The following NDUFB7 variants were observed in gnomAD, a reference collection of about 807,000 sequenced individuals.
The protein encoded by NDUFB7 is NADH:ubiquinone oxidoreductase subunit B7.
NDUFB7 carries 18 observed loss-of-function variants against 14.7 expected under a neutral mutation model. That is an observed-to-expected ratio of 1.22 (90% CI 0.85 to 1.81). The LOEUF is 1.81. Among genes scored for constraint, NDUFB7 ranks in the 40% most tolerant of loss-of-function variants. NDUFB7 has a pLI of 0.00. For synonymous variants in NDUFB7, 86 were observed against 76.1 expected (o/e 1.13, Z -0.68); for missense variants, 219 against 195.0 (o/e 1.12, Z -0.73).
At chr19:14,570,663 C>A (rs2074119651) in intron 1 of NDUFB7, among the ~76,000 whole-genome samples, 1 of 152,196 alleles carries the variant, frequency 6.6e-6, no homozygotes, top group African/African-American at 2.4e-5. Context: ...TTTCCAGCCA[C>A]TGCCTCTTGG....
Position 14,566,942 on chromosome 19 carries a change from A to T in NDUFB7, c.113-9T>A. 1 of 1,574,218 alleles carries T rather than the reference A, an allele frequency of 6.4e-7. No homozygotes were observed. The highest frequency in any genetic ancestry group is 8.6e-7 in the Non-Finnish European group (1 of 1,164,622). ...CTGTGTGGCCACCATCTCTGCAGGG[A>T]GTGGGCGGGGCTCAACCAGGCTGGA... is the stretch of plus-strand genomic sequence containing the variant. On this transcript the variant is annotated splice_polypyrimidine_tract_variant and intron_variant, in intron 1 of 2. Coordinates refer to ENST00000215565, the MANE Select transcript of NDUFB7 (RefSeq NM_004146.6).
intron 1 of NDUFB7, among the ~76,000 whole-genome samples, chr19:14,571,624 C>G (rs1424586821): frequency 6.6e-6 from 1 of 151,822 alleles, no homozygotes; most frequent in African/African-American, 2.4e-5. Context: ...AGACTCGACC[C>G]AGCTCTGCGC....
Position 14,571,946 on chromosome 19 carries a change from G to A in NDUFB7, c.55C>T (p.Pro19Ser), listed in dbSNP as rs373549498. 4.3e-6 allele frequency: 7 copies of A among 1,611,820 alleles called. No homozygotes were observed. Among genetic ancestry groups the A allele is most frequent in the East Asian group, 2.2e-5 (1 of 44,848 alleles). Residue 19 changes from proline to serine, a missense_variant, in exon 1 of 3, where the codon CCC (proline) becomes TCC (serine). Pro to Ser is a moderately conservative substitution (Grantham distance 74). Coordinates refer to ENST00000215565, the MANE Select transcript of NDUFB7 (RefSeq NM_004146.6). ...YLGDASVEPD[P>S]LQMPTFPPDY... ...GGCGGGAAGGTTGGCATCTGCAGGG[G>A]GTCGGGCTCCACCGAGGCATCGCCC... is the stretch of plus-strand genomic sequence containing the variant.
rs2074103467 is a variant in NDUFB7, at chr19:14,567,988, C to T, written c.113-1055G>A. Reference sequence around the variant, plus strand: ...TTCCTGTGGCTCCTCCCACATCCCTCCTCCCCAGGTTTCCTCCCATCTCTA... The same window carrying T: ...TTCCTGTGGCTCCTCCCACATCCCTTCTCCCCAGGTTTCCTCCCATCTCTA... On this transcript the variant is annotated intron_variant, in intron 1 of 2. Coordinates refer to ENST00000215565, the MANE Select transcript of NDUFB7 (RefSeq NM_004146.6). This position sits in a 1 kb window ranked among gnomAD's most constrained non-coding sequence, Gnocchi z 5.1. Among the ~76,000 whole-genome samples the T allele has an allele frequency of 2.6e-5, 4 of 152,236 alleles. No individual in the cohort carries two copies. The South Asian group carries it at 8.3e-4, about 31-fold the overall frequency.
At position 14,566,198 on chromosome 19, in the gene NDUFB7, T is replaced by A; in HGVS notation, c.349A>T (p.Lys117Ter). 6.2e-7 allele frequency: 1 copy of A among 1,613,748 alleles called. No homozygotes were observed. Among genetic ancestry groups the A allele is most frequent in the East Asian group, 2.2e-5 (1 of 44,828 alleles). Residue 117 changes from lysine (K) to a stop codon, truncating the protein, a stop_gained, in exon 3 of 3, where the codon AAG becomes TAG. Transcript: ENST00000215565. LOFTEE classifies it high-confidence loss of function. ...CCTTTGGCCAACTCTGCCGCCTTCT[T>A]CTCCCGCCGCTTCTTCCGCTGGAGC... ...RLLQRKKRREKKAAELAKGQG... is the reference protein window; with the variant it reads ...RLLQRKKRRE
At position 14,571,873 on chromosome 19, in the gene NDUFB7, G is replaced by T; in HGVS notation, c.112+16C>A. ...CGCCCCACGCCCTCTGGCTGCGCCT[G>T]CGCACTGGGCCTCACCGCGCTCCTT... On this transcript the variant is annotated intron_variant, in intron 1 of 2. Coordinates refer to ENST00000215565, the MANE Select transcript of NDUFB7 (RefSeq NM_004146.6). The T allele has an allele frequency of 1.9e-6, 3 of 1,599,010 alleles. No individual in the cohort carries two copies. Among genetic ancestry groups the T allele is most frequent in the Non-Finnish European group, 2.6e-6 (3 of 1,174,004 alleles).
intron 2 of NDUFB7, 69 bp downstream of exon 2, chr19:14,566,696 G>A: frequency 2.1e-6 from 3 of 1,413,612 alleles, no homozygotes; most frequent in Non-Finnish European, 2.8e-6. Flanking sequence ...GGTGGGCCAG[G>A]GGTGTGGAAG....
In NDUFB7 at chr19:14,571,911, G is replaced by A. The variant is rs774389788; in HGVS notation, c.90C>T (p.Gly30=). The change falls in exon 1 of 3, where the codon GGC becomes GGT. Residue 30 remains glycine, a synonymous_variant. Transcript: ENST00000215565. The stretch of plus-strand genomic sequence containing the variant: ...CACCGCGCTCCTTGCGTTCGGGGAA[G>A]CCGTAGTCTGGCGGGAAGGTTGGCA... ...LQMPTFPPDY[G]FPERKEREMV... 1.7e-5 allele frequency: 27 copies of A among 1,611,502 alleles called. No individual in the cohort carries two copies. The highest frequency in any genetic ancestry group is 1.8e-4 in the Middle Eastern group (1 of 5,600).
chr19:14,567,863 T>C lies in NDUFB7; in HGVS notation c.113-930A>G, dbSNP rs1229522593. Among the ~76,000 whole-genome samples the C allele has an allele frequency of 6.6e-6, 1 of 152,062 alleles. No homozygotes were observed. The highest frequency in any genetic ancestry group is 1.5e-5 in the Non-Finnish European group (1 of 68,006). Reference sequence around the variant, plus strand: ...GCCCAGGTCCTCCTCTCCTGCCCCTTGTCCCATTCCCTGGCTTCTGCCCTA... The same window carrying C: ...GCCCAGGTCCTCCTCTCCTGCCCCTCGTCCCATTCCCTGGCTTCTGCCCTA... On this transcript the variant is annotated intron_variant, in intron 1 of 2. Coordinates refer to ENST00000215565, the MANE Select transcript of NDUFB7 (RefSeq NM_004146.6). This position sits in a 1 kb window ranked among gnomAD's most constrained non-coding sequence, Gnocchi z 5.1.
In NDUFB7 at chr19:14,571,942, A is replaced by AG; in HGVS notation, c.58dup (p.Leu20ProfsTer53). The AG allele has an allele frequency of 6.2e-7, 1 of 1,612,128 alleles. No individual in the cohort carries two copies. Among genetic ancestry groups the AG allele is most frequent in the Non-Finnish European group, 8.5e-7 (1 of 1,179,452 alleles). ...GTCTGGCGGGAAGGTTGGCATCTGC[A>AG]GGGGGTCGGGCTCCACCGAGGCATC... is the stretch of plus-strand genomic sequence containing the variant. On this transcript the variant is annotated frameshift_variant, in exon 1 of 3. Transcript: ENST00000215565. LOFTEE classifies it high-confidence loss of function.
rs1438987193 is a variant in NDUFB7 at position 14,567,700 on chromosome 19, TCCA to T, written c.113-770_113-768del. 1.3e-5 allele frequency among the ~76,000 whole-genome samples: 2 copies of T among 151,984 alleles called. No homozygotes were observed. Among genetic ancestry groups the T allele is most frequent in the South Asian group, 2.1e-4 (1 of 4,814 alleles). On this transcript the variant is annotated intron_variant, in intron 1 of 2. Transcript: ENST00000215565. The surrounding 1 kb of genome is among the most constrained non-coding windows in gnomAD (Gnocchi z 5.1). The stretch of plus-strand genomic sequence containing the variant: ...CCCAGCCTCCCTAGCCCTCCTGACG[TCCA>T]CCACATCTTTCTCGGTCCCAGCTCC...
chr19:14,566,376 A>G (rs2074085252), intron 2 of NDUFB7, 111 bp from the exon 3 acceptor site: 6 of 1,532,246 alleles, frequency 3.9e-6, no homozygotes, highest in Middle Eastern at 1.8e-4. Flanking sequence ...GCCTCTGAAG[A>G]AGACATGTCC....
intron 1 of NDUFB7, 26 bp downstream of exon 1, chr19:14,571,863 G>C (rs1020712532): frequency 1.3e-6 from 2 of 1,590,998 alleles, no homozygotes; most frequent in Admixed American, 3.6e-5. Context: ...CACGCCCTCT[G>C]GCTGCGCCTG....
At position 14,566,664 on chromosome 19, in the gene NDUFB7, G is replaced by A. The variant is rs554392084; in HGVS notation, c.281+101C>T. On this transcript the variant is annotated intron_variant, in intron 2 of 2. Transcript: ENST00000215565. Reference sequence around the variant, plus strand: ...CGGGGGTGGGAGGGGGGCTTGGGCGGGCTGGGCATGTGGGGGGCTTGGGTG... The same window carrying A: ...CGGGGGTGGGAGGGGGGCTTGGGCGAGCTGGGCATGTGGGGGGCTTGGGTG... 1.9e-4 allele frequency: 209 copies of A among 1,091,476 alleles called. 2 individuals are homozygous for A. Among genetic ancestry groups the A allele is most frequent in the Non-Finnish European group, 1.9e-4 (148 of 780,786 alleles). 67.6% of individuals were successfully genotyped at this position (1,091,476 alleles called of 1,614,324 possible).
At position 14,568,294 on chromosome 19, in the gene NDUFB7, C is replaced by G. The variant is rs181373630; in HGVS notation, c.113-1361G>C. Among the ~76,000 whole-genome samples, 462 of 152,308 alleles carry G rather than the reference C, an allele frequency of 3.0e-3. 1 individual carries two copies. Among genetic ancestry groups the G allele is most frequent in the Middle Eastern group, 6.8e-3 (2 of 294 alleles). On this transcript the variant is annotated intron_variant, in intron 1 of 2. Transcript: ENST00000215565. ...TCCTGACCTCAGGTGATCCACCCAC[C>G]TTGGCCTCCCAAAGTGCTGGGATTA... is the stretch of plus-strand genomic sequence containing the variant.
chr19:14,569,236 TAA>T (rs1301458357), intron 1 of NDUFB7, among the ~76,000 whole-genome samples: 1 of 151,728 alleles, frequency 6.6e-6, no homozygotes, highest in East Asian at 1.9e-4. Flanking sequence ...CCAGGCACCA[TAA>T]AGAGTCCACT....
chr19:14,566,983 T>A, intron 1 of NDUFB7, 50 bp from the exon 2 acceptor site: 1 of 1,515,876 alleles, frequency 6.6e-7, no homozygotes, highest in South Asian at 1.2e-5. Flanking sequence ...CCCACCCCAA[T>A]TCCGGGGATC....
At position 14,567,400 on chromosome 19, in the gene NDUFB7, G is replaced by A. The variant is rs571879870; in HGVS notation, c.113-467C>T. On this transcript the variant is annotated intron_variant, in intron 1 of 2. Transcript: ENST00000215565. This position sits in a 1 kb window ranked among gnomAD's most constrained non-coding sequence, Gnocchi z 5.1. ...AAGGCCCAGCTCTGCACTGGCCGGC[G>A]GCGTGGCCTCTCTCTCAGCCTCAGA... 3.9e-5 allele frequency among the ~76,000 whole-genome samples: 4 copies of A among 102,102 alleles called. No homozygotes were observed. Among genetic ancestry groups the A allele is most frequent in the Admixed American group, 8.4e-5 (1 of 11,842 alleles). 67.0% of individuals were successfully genotyped at this position (102,102 alleles called of 152,430 possible).
rs1020712532 is a variant in NDUFB7 at position 14,571,863 on chromosome 19, G to A, written c.112+26C>T. Reference sequence around the variant, plus strand: ...CAGGCACCCGCGCCCCACGCCCTCTGGCTGCGCCTGCGCACTGGGCCTCAC... The same window carrying A: ...CAGGCACCCGCGCCCCACGCCCTCTAGCTGCGCCTGCGCACTGGGCCTCAC... On this transcript the variant is annotated intron_variant, in intron 1 of 2. Transcript: ENST00000215565. 6 of 1,590,998 alleles carry A rather than the reference G, an allele frequency of 3.8e-6. No homozygotes were observed. In the African/African-American group the frequency reaches 5.4e-5, roughly 14 times the overall value.
Sources: allele counts gnomAD v4.1 joint callset (sites outside exome capture counted in the v4.1 genomes callset), GRCh38; gene constraint gnomAD v4.1.1; non-coding constraint Gnocchi (gnomAD v3.1); transcripts MANE v1.5; gene names NCBI Gene and HGNC (gene_info 2026-07-23, HGNC 2026-07-21).